The following IQCM variants were observed in gnomAD, a reference collection of about 807,000 sequenced individuals.
IQCM encodes IQ domain-containing protein M.
In IQCM, 45 loss-of-function variants were observed where a neutral mutation model predicts 57.6. The ratio of observed to expected loss-of-function variants is 0.78; its 90% CI spans 0.62 to 1.00. The LOEUF is 1.00. Among genes scored for constraint, IQCM ranks in the 50% least tolerant of loss-of-function variants. The probability of loss-of-function intolerance (pLI) is 0.00; values close to 1 mark genes in which losing one functional copy is unlikely to be tolerated. For missense variants in IQCM, 468 were observed against 511.6 expected, an observed-to-expected ratio of 0.91 and a Z score of 0.82; for synonymous variants, 148 against 158.9, an observed-to-expected ratio of 0.93 and a Z score of 0.51.
intron 10 of IQCM, among the ~76,000 whole-genome samples, chr4:149,555,792 T>C (rs1271433789): frequency 1.3e-5 from 2 of 152,218 alleles, no homozygotes; most frequent in African/African-American, 2.4e-5. Context: ...GGACAGATGA[T>C]GTTTCTGAGA....
intron 7 of IQCM, among the ~76,000 whole-genome samples, chr4:149,639,848 G>A (rs765331963): frequency 6.6e-6 from 1 of 152,126 alleles, no homozygotes; most frequent in Non-Finnish European, 1.5e-5. Context: ...AGGATCCCTC[G>A]AGACAGCGAG....
At chr4:149,572,362 C>T (rs1409267444) in intron 9 of IQCM, among the ~76,000 whole-genome samples, 1 of 151,942 alleles carries the variant, frequency 6.6e-6, no homozygotes, top group African/African-American at 2.4e-5. Flanking sequence ...TCACAGCTCA[C>T]TGCAACCTCT....
chr4:149,477,655 T>C (rs994515086), intron 12 of IQCM, among the ~76,000 whole-genome samples: 1 of 152,196 alleles, frequency 6.6e-6, no homozygotes, highest in Non-Finnish European at 1.5e-5. Context: ...GATGAAATTA[T>C]GCTTTCAGAA....
chr4:149,538,825 T>A (rs568136025), intron 12 of IQCM, among the ~76,000 whole-genome samples: 1 of 151,802 alleles, frequency 6.6e-6, no homozygotes, highest in Admixed American at 6.6e-5. Flanking sequence ...TTAGACTTCA[T>A]AAAAATTAAA....
At chr4:149,805,212 G>T (rs935808925) in intron 2 of IQCM, among the ~76,000 whole-genome samples, 1 of 151,932 alleles carries the variant, frequency 6.6e-6, no homozygotes, top group African/African-American at 2.4e-5. Context: ...TTGCTATGTA[G>T]TTTTTAAATT....
At chr4:149,433,682 T>C (rs540268237) in intron 12 of IQCM, 125 bp from the exon 13 acceptor site, 146 of 348,420 alleles carry the variant, frequency 4.2e-4, no homozygotes, top group South Asian at 1.0e-3. Flanking sequence ...AAAACATGTC[T>C]TTTTTTTTAG....
At chr4:149,612,300 T>C (rs1243095044) in intron 8 of IQCM, among the ~76,000 whole-genome samples, 5 of 152,152 alleles carry the variant, frequency 3.3e-5, no homozygotes, top group African/African-American at 1.2e-4. Context: ...GCAATTATGA[T>C]TGTAAAGCTC....
intron 7 of IQCM, among the ~76,000 whole-genome samples, chr4:149,672,477 C>A (rs1485159993): frequency 6.6e-6 from 1 of 152,120 alleles, no homozygotes; most frequent in African/African-American, 2.4e-5. Context: ...CTACGTGACG[C>A]ATGCGCAAGC....
chr4:149,357,626 G>A (rs1467938212), intron 13 of IQCM, among the ~76,000 whole-genome samples: 1 of 152,140 alleles, frequency 6.6e-6, no homozygotes, highest in African/African-American at 2.4e-5. Context: ...GCTTTTTGAT[G>A]CGTTGCTGGA....
intron 6 of IQCM, among the ~76,000 whole-genome samples, chr4:149,685,571 A>C (rs112553004): frequency 3.3e-5 from 5 of 151,622 alleles, no homozygotes; most frequent in African/African-American, 1.2e-4. Flanking sequence ...CTCACAACTT[A>C]AACGTTGGAA....
intron 5 of IQCM, among the ~76,000 whole-genome samples, chr4:149,715,605 T>G (rs950645976): frequency 2.6e-5 from 4 of 152,184 alleles, no homozygotes; most frequent in African/African-American, 7.2e-5. Flanking sequence ...CAGCCCTGTT[T>G]GTGTTACAGC....
intron 2 of IQCM, among the ~76,000 whole-genome samples, chr4:149,795,248 C>A (rs938516257): frequency 2.0e-5 from 3 of 152,146 alleles, no homozygotes; most frequent in Admixed American, 1.3e-4. Flanking sequence ...CCCCTGGCAG[C>A]CATGGCTTGC....
rs569698620 is a variant in IQCM at position 149,720,763 on chromosome 4, G to A, written c.385+12481C>T. On this transcript the variant is annotated intron_variant, in intron 5 of 13. Transcript: ENST00000636793. ...AGTAGAAGCATTTGCAAAATTCTCCGTGTGATAATCTCTCAAGAGATTATC... is the reference window on the plus strand; with the variant it reads ...AGTAGAAGCATTTGCAAAATTCTCCATGTGATAATCTCTCAAGAGATTATC... Among the ~76,000 whole-genome samples, 8 of 151,862 alleles carry A rather than the reference G, an allele frequency of 5.3e-5. No individual in the cohort carries two copies. The South Asian group carries it at 6.3e-4, about 12-fold the overall frequency.
chr4:149,741,591 C>A lies in IQCM; in HGVS notation c.37+1064G>T, dbSNP rs7673799. Among the ~76,000 whole-genome samples, 1,369 of 152,256 alleles carry A rather than the reference C, an allele frequency of 9.0e-3. 10 individuals carry two copies. The highest frequency in any genetic ancestry group is 0.031 in the African/African-American group (1,268 of 41,552). ...GATCATCACAGAGCTCTATTGGCAG[C>A]CCTGGGCAGATGCTTGCTGGCCTGT... is the stretch of plus-strand genomic sequence containing the variant. On this transcript the variant is annotated intron_variant, in intron 3 of 13. Transcript: ENST00000636793.
chr4:149,482,057 C>T (rs1318855619), intron 12 of IQCM, among the ~76,000 whole-genome samples: 2 of 151,304 alleles, frequency 1.3e-5, no homozygotes, highest in African/African-American at 2.4e-5. Flanking sequence ...AATGGAATTG[C>T]TTTTTATGTC....
intron 7 of IQCM, among the ~76,000 whole-genome samples, chr4:149,655,754 C>A (rs1759583517): frequency 6.6e-6 from 1 of 152,064 alleles, no homozygotes; most frequent in Non-Finnish European, 1.5e-5. Context: ...AGTGCATGGA[C>A]CAAAACTGTC....
chr4:149,668,477 A>G (rs1219695242), intron 7 of IQCM, among the ~76,000 whole-genome samples: 1 of 152,082 alleles, frequency 6.6e-6, no homozygotes, highest in Admixed American at 6.6e-5. Context: ...AACACATACC[A>G]CAATGTAAAG....
At chr4:149,469,175 C>T (rs190599462) in intron 12 of IQCM, among the ~76,000 whole-genome samples, 193 of 152,290 alleles carry the variant, frequency 1.3e-3, no homozygotes, top group Non-Finnish European at 2.2e-3. Flanking sequence ...ACAAACTTCT[C>T]TGAGCTAAAG....
chr4:149,536,450 A>C (rs1464970166), intron 12 of IQCM, among the ~76,000 whole-genome samples: 1 of 151,954 alleles, frequency 6.6e-6, no homozygotes, highest in Non-Finnish European at 1.5e-5. Flanking sequence ...TCTATGTGTT[A>C]AACCTTTGCT....
Sources: allele counts gnomAD v4.1 joint callset (sites outside exome capture counted in the v4.1 genomes callset), GRCh38; gene constraint gnomAD v4.1.1; transcripts MANE v1.5; gene names NCBI Gene and HGNC (gene_info 2026-07-23, HGNC 2026-07-21).